Variants in C1orf185 observed in about 807,000 individuals in gnomAD.
The protein encoded by C1orf185 is chromosome 1 open reading frame 185, also known as uncharacterized protein C1orf185.
C1orf185 carries 13 observed loss-of-function variants against 16.1 expected under a neutral mutation model. The observed-to-expected ratio is 0.81, with a 90% CI of 0.53 to 1.28. C1orf185 has a LOEUF of 1.28. Among genes scored for constraint, C1orf185 ranks in the 50% most tolerant of loss-of-function variants. The probability of loss-of-function intolerance (pLI) is 0.00; values close to 1 mark genes in which losing one functional copy is unlikely to be tolerated. For missense variants in C1orf185, 220 were observed against 225.2 expected (o/e 0.98, Z 0.15); for synonymous variants, 80 against 76.9 (o/e 1.04, Z -0.21).
intron 3 of C1orf185, among the ~76,000 whole-genome samples, chr1:51,121,661 C>A (rs1269077916): frequency 6.6e-6 from 1 of 152,088 alleles, no homozygotes; most frequent in Admixed American, 6.5e-5. Flanking sequence ...TACAGGCAGA[C>A]CTCTATGGGG....
chr1:51,112,610 TA>T, intron 2 of C1orf185, 41 bp downstream of exon 2: 1 of 1,455,354 alleles, frequency 6.9e-7, no homozygotes, highest in Non-Finnish European at 9.2e-7. Flanking sequence ...TTTTTTCTTT[TA>T]AAAATTCAAT....
intron 4 of C1orf185, 88 bp from the exon 5 acceptor site, chr1:51,147,379 A>G: frequency 8.3e-7 from 1 of 1,200,628 alleles, no homozygotes; most frequent in Non-Finnish European, 1.1e-6. Flanking sequence ...ATTTCTTTAT[A>G]GCATTATCCT....
In C1orf185 at chr1:51,106,220, A is replaced by T. The variant is rs11205815; in HGVS notation, c.16+3971A>T. 4.8e-3 allele frequency among the ~76,000 whole-genome samples: 727 copies of T among 152,188 alleles called. 13 individuals carry two copies. In the East Asian group the frequency reaches 0.053, roughly 11 times the overall value. On this transcript the variant is annotated intron_variant, in intron 1 of 4. Coordinates refer to ENST00000371759, the MANE Select transcript of C1orf185 (RefSeq NM_001136508.2). The stretch of plus-strand genomic sequence containing the variant: ...AATTATATATGAAAATTTAAAAAAA[A>T]TTTTTCTGATTTTTCTAAGATATTC...
chr1:51,134,193 A>G (rs1181120284), intron 3 of C1orf185, among the ~76,000 whole-genome samples: 1 of 152,210 alleles, frequency 6.6e-6, no homozygotes, highest in Non-Finnish European at 1.5e-5. Context: ...AATTCACTCA[A>G]AACCATATAA....
At chr1:51,112,966 C>T (rs1379229811) in intron 2 of C1orf185, among the ~76,000 whole-genome samples, 2 of 151,812 alleles carry the variant, frequency 1.3e-5, no homozygotes, top group Non-Finnish European at 2.9e-5. Context: ...ATTACAGGTT[C>T]GCACCACGAC....
At chr1:51,137,301 G>A (rs1327860199) in intron 3 of C1orf185, among the ~76,000 whole-genome samples, 1 of 152,146 alleles carries the variant, frequency 6.6e-6, no homozygotes, top group African/African-American at 2.4e-5. Context: ...GGGAGGCTGA[G>A]GCAGGTGGAT....
chr1:51,117,502 G>T (rs1008633475), intron 2 of C1orf185, among the ~76,000 whole-genome samples: 4 of 151,754 alleles, frequency 2.6e-5, no homozygotes, highest in Non-Finnish European at 5.9e-5. Context: ...GTCCTTTATG[G>T]TCCATCTATT....
chr1:51,116,472 T>C (rs1646158720), intron 2 of C1orf185, among the ~76,000 whole-genome samples: 1 of 151,760 alleles, frequency 6.6e-6, no homozygotes, highest in South Asian at 2.1e-4. Context: ...TGCCAACACA[T>C]CCAGCTAATT....
chr1:51,136,080 C>T (rs1272290035), intron 3 of C1orf185, among the ~76,000 whole-genome samples: 1 of 152,050 alleles, frequency 6.6e-6, no homozygotes, highest in Non-Finnish European at 1.5e-5. Context: ...ATATAAAATA[C>T]CTAGGAATGC....
intron 3 of C1orf185, among the ~76,000 whole-genome samples, chr1:51,133,303 C>T (rs1646298965): frequency 6.6e-6 from 1 of 152,092 alleles, no homozygotes; most frequent in Non-Finnish European, 1.5e-5. Context: ...ATGCTGTCTT[C>T]AAGAGACCTA....
intron 2 of C1orf185, among the ~76,000 whole-genome samples, chr1:51,115,120 A>G (rs1474861864): frequency 6.6e-6 from 1 of 152,208 alleles, no homozygotes; most frequent in Non-Finnish European, 1.5e-5. Context: ...TGAGGCGGGC[A>G]GATCTCTTGA....
intron 3 of C1orf185, among the ~76,000 whole-genome samples, chr1:51,121,778 A>G (rs559137289): frequency 1.3e-5 from 2 of 152,292 alleles, no homozygotes; most frequent in South Asian, 2.1e-4. Flanking sequence ...ACAGAAGAAT[A>G]CATATACACA....
At chr1:51,127,556 G>A (rs1221676856) in intron 3 of C1orf185, among the ~76,000 whole-genome samples, 1 of 152,024 alleles carries the variant, frequency 6.6e-6, no homozygotes, top group African/African-American at 2.4e-5. Flanking sequence ...AAAGTGCTGG[G>A]GTTACAGGTG....
intron 3 of C1orf185, among the ~76,000 whole-genome samples, chr1:51,127,980 T>G (rs1646254306): frequency 6.7e-6 from 1 of 149,340 alleles, no homozygotes; most frequent in Non-Finnish European, 1.5e-5. Context: ...CTGCACCTCC[T>G]GGGTTCAAGC....
At chr1:51,130,571 T>C (rs777410625) in intron 3 of C1orf185, among the ~76,000 whole-genome samples, 1 of 152,214 alleles carries the variant, frequency 6.6e-6, no homozygotes. Context: ...TTTTCATATA[T>C]GATATATGTG....
intron 1 of C1orf185, among the ~76,000 whole-genome samples, chr1:51,106,153 G>A (rs1646069914): frequency 6.6e-6 from 1 of 151,968 alleles, no homozygotes; most frequent in African/African-American, 2.4e-5. Flanking sequence ...AATATAGAAG[G>A]TGCTACAAGG....
chr1:51,121,183 T>G (rs1646194965), intron 3 of C1orf185, among the ~76,000 whole-genome samples: 1 of 152,146 alleles, frequency 6.6e-6, no homozygotes, highest in Non-Finnish European at 1.5e-5. Context: ...ATCACCGTGT[T>G]GTACAATAGA....
At chr1:51,114,192 G>A (rs1360391670) in intron 2 of C1orf185, among the ~76,000 whole-genome samples, 1 of 152,190 alleles carries the variant, frequency 6.6e-6, no homozygotes, top group African/African-American at 2.4e-5. Flanking sequence ...GTGAGAAAGG[G>A]AAACAATCAT....
At chr1:51,103,356 T>C (rs567017554) in intron 1 of C1orf185, among the ~76,000 whole-genome samples, 11 of 150,484 alleles carry the variant, frequency 7.3e-5, no homozygotes, top group African/African-American at 2.7e-4. Flanking sequence ...CAATGAGCTA[T>C]GATCATGCCA....
Sources: allele counts gnomAD v4.1 joint callset (sites outside exome capture counted in the v4.1 genomes callset), GRCh38; gene constraint gnomAD v4.1.1; transcripts MANE v1.5; gene names NCBI Gene and HGNC (gene_info 2026-07-23, HGNC 2026-07-21).